The following USP24 variants were observed in gnomAD, a reference collection of about 807,000 sequenced individuals.
USP24 encodes the protein ubiquitin specific peptidase 24, also known as ubiquitin carboxyl-terminal hydrolase 24.
Under a neutral mutation model 361.6 loss-of-function variants are expected in USP24, and 97 were observed. The ratio of observed to expected loss-of-function variants is 0.27; its 90% CI spans 0.23 to 0.32. USP24 has a LOEUF of 0.32. USP24 is among the 10% of genes least tolerant of loss of function. The pLI, the probability that USP24 is intolerant of heterozygous loss-of-function variation, is 1.00. For missense variants in USP24, 2,353 were observed against 3,165.6 expected, an observed-to-expected ratio of 0.74 and a Z score of 6.16; for synonymous variants, 1,098 against 1,124.6, an observed-to-expected ratio of 0.98 and a Z score of 0.47.
intron 26 of USP24, among the ~76,000 whole-genome samples, chr1:55,138,398 T>G (rs1237044475): frequency 6.6e-6 from 1 of 152,150 alleles, no homozygotes; most frequent in Non-Finnish European, 1.5e-5. Flanking sequence ...CTCTTATTTG[T>G]TCTTTACAAT....
chr1:55,162,573 G>C (rs1037280649), intron 7 of USP24, among the ~76,000 whole-genome samples: 1 of 152,088 alleles, frequency 6.6e-6, no homozygotes, highest in African/African-American at 2.4e-5. Flanking sequence ...AAAAAGGAGA[G>C]AATAGCTGAG....
chr1:55,148,941 C>A (rs1371886749), intron 16 of USP24, among the ~76,000 whole-genome samples: 8 of 152,176 alleles, frequency 5.3e-5, no homozygotes, highest in Admixed American at 5.2e-4. Context: ...ACTTGGATAA[C>A]ACTGAACTGC....
rs745544716 is a variant in USP24, at chr1:55,214,869, CCGCCGCCGCCGCCGT to C, written c.230_244del (p.Asp77_Gly81del). The C allele has an allele frequency of 8.3e-7, 1 of 1,199,388 alleles. No homozygotes were observed. The highest frequency in any genetic ancestry group is 1.6e-5 in the African/African-American group (1 of 62,248). 74.3% of individuals were successfully genotyped at this position (1,199,388 alleles called of 1,614,324 possible). A position where few individuals can be genotyped will look rare whatever the true frequency, so the allele number is the denominator to read the frequency against. The stretch of plus-strand genomic sequence containing the variant: ...TCCGGTGCTCCCGCCGCGGGAGGGG[CCGCCGCCGCCGCCGT>C]CACCTCCGCCGTCGCCCCGCGGGCC... On this transcript the variant is annotated inframe_deletion, in exon 1 of 68. Transcript: ENST00000294383.
intron 1 of USP24, among the ~76,000 whole-genome samples, chr1:55,184,584 C>T (rs1213084483): frequency 6.6e-6 from 1 of 152,120 alleles, no homozygotes; most frequent in Admixed American, 6.6e-5. Context: ...ACCAAATAGA[C>T]CTAAAACACA....
At chr1:55,119,578 C>T (rs1343020893) in intron 38 of USP24, among the ~76,000 whole-genome samples, 1 of 151,746 alleles carries the variant, frequency 6.6e-6, no homozygotes. Context: ...ATATTTACCA[C>T]AATAAAAAAA....
In USP24 at chr1:55,096,686, T is replaced by C. The variant is rs148990348; in HGVS notation, c.5937-64A>G. ...AAAATCAACCTCCTCATCCTTAGCA[T>C]TGATCTCAATGTATTGTCTACAAAT... On this transcript the variant is annotated intron_variant, in intron 49 of 67. Transcript: ENST00000294383. The C allele has an allele frequency of 3.1e-4, 480 of 1,551,900 alleles. 1 individual carries two copies. The East Asian group carries it at 7.0e-3, about 23-fold the overall frequency.
intron 5 of USP24, among the ~76,000 whole-genome samples, chr1:55,169,224 A>G (rs898171006): frequency 6.6e-6 from 1 of 152,132 alleles, no homozygotes; most frequent in African/African-American, 2.4e-5. Context: ...TAAATTTAAA[A>G]AAAATCCGTG....
chr1:55,095,470 C>T lies in USP24; in HGVS notation c.6062-74G>A, dbSNP rs1340070614. 2.8e-6 allele frequency: 4 copies of T among 1,453,258 alleles called. No homozygotes were observed. In the African/African-American group the frequency reaches 5.7e-5, roughly 21 times the overall value. 90.0% of individuals were successfully genotyped at this position (1,453,258 alleles called of 1,614,324 possible). On this transcript the variant is annotated intron_variant, in intron 50 of 67. Coordinates refer to ENST00000294383, the MANE Select transcript of USP24 (RefSeq NM_015306.3). ...TGTCTTGACAATCTAAAACAAAGGG[C>T]CCATTATTCCAGCAAGTAGTTAACT...
At chr1:55,105,928 G>A (rs985373586) in intron 41 of USP24, among the ~76,000 whole-genome samples, 1 of 151,946 alleles carries the variant, frequency 6.6e-6, no homozygotes, top group East Asian at 1.9e-4. Flanking sequence ...TCTCCATTCT[G>A]AGGATAATAA....
intron 44 of USP24, 122 bp from the exon 45 acceptor site, chr1:55,099,991 A>G: frequency 1.5e-6 from 1 of 670,344 alleles, no homozygotes; most frequent in East Asian, 2.8e-5. Context: ...GGATGTGGAC[A>G]TTTCTAGTGA....
Position 55,146,123 on chromosome 1 carries a change from C to G in USP24, c.2251-14G>C. On this transcript the variant is annotated splice_polypyrimidine_tract_variant and intron_variant, in intron 19 of 67. Transcript: ENST00000294383. ...TTCAAAACACATCTGTGGAATAAGA[C>G]GAATATCACCCTATAACTAAGATCC... The G allele has an allele frequency of 6.3e-7, 1 of 1,577,302 alleles. No homozygotes were observed. Among genetic ancestry groups the G allele is most frequent in the East Asian group, 2.2e-5 (1 of 44,532 alleles).
intron 5 of USP24, among the ~76,000 whole-genome samples, chr1:55,167,031 CCT>C (rs1222595999): frequency 1.3e-5 from 2 of 152,136 alleles, no homozygotes; most frequent in African/African-American, 4.8e-5. Context: ...TCTATTTTCT[CCT>C]CTTTTTCTTT....
intron 51 of USP24, 79 bp downstream of exon 51, chr1:55,095,176 A>C: frequency 7.1e-7 from 1 of 1,404,084 alleles, no homozygotes; most frequent in Non-Finnish European, 9.4e-7. Flanking sequence ...TTATCTTTAA[A>C]ATCTCAAATA....
At chr1:55,128,118 T>C (rs1259489474) in intron 32 of USP24, among the ~76,000 whole-genome samples, 1 of 152,218 alleles carries the variant, frequency 6.6e-6, no homozygotes, top group Non-Finnish European at 1.5e-5. Flanking sequence ...TCTGTGTTTA[T>C]TTCTCATACT....
chr1:55,066,368 G>C lies in USP24; in HGVS notation c.*2677C>G, dbSNP rs1005785874. The stretch of plus-strand genomic sequence containing the variant: ...GCGGCAAGACTCCAACTCTGTTTTT[G>C]AAAAATTTATTTTATACTCTTAGAA... On this transcript the variant is annotated 3_prime_UTR_variant, in exon 68 of 68. Transcript: ENST00000294383. 6.6e-6 allele frequency: 1 copy of C among 152,094 alleles called. No individual in the cohort carries two copies. Among genetic ancestry groups the C allele is most frequent in the Non-Finnish European group, 1.5e-5 (1 of 68,020 alleles). The allele number at this position is 152,094 out of a possible 1,614,324, so 9.4% of individuals were successfully genotyped here. A position where few individuals can be genotyped will look rare whatever the true frequency, so the allele number is the denominator to read the frequency against.
rs1335832301 is a variant in USP24 at position 55,129,473 on chromosome 1, T to C, written c.3635+4A>G. 3 of 1,613,202 alleles carry C rather than the reference T, an allele frequency of 1.9e-6. No homozygotes were observed. The highest frequency in any genetic ancestry group is 4.5e-5 in the East Asian group (2 of 44,880). On this transcript the variant is annotated splice_donor_region_variant and intron_variant, in intron 32 of 67. Coordinates refer to ENST00000294383, the MANE Select transcript of USP24 (RefSeq NM_015306.3). ...CTCATGTAACATTACATTGAAACTC[T>C]AACCTCAAACCGCCAGCTTTGAGGA...
At chr1:55,091,372 T>C (rs1026458789) in intron 54 of USP24, among the ~76,000 whole-genome samples, 5 of 152,154 alleles carry the variant, frequency 3.3e-5, no homozygotes, top group Admixed American at 1.3e-4. Flanking sequence ...GAGAATCTAA[T>C]TGTCCCCCCA....
intron 54 of USP24, among the ~76,000 whole-genome samples, chr1:55,091,790 C>T (rs796744629): frequency 1.6e-4 from 25 of 152,194 alleles, no homozygotes; most frequent in African/African-American, 4.6e-4. Context: ...TTGCCCAATT[C>T]GAAGATGTAC....
At chr1:55,113,812 T>C (rs1646025280) in intron 38 of USP24, among the ~76,000 whole-genome samples, 1 of 152,204 alleles carries the variant, frequency 6.6e-6, no homozygotes, top group Admixed American at 6.5e-5. Context: ...TCATACTGAA[T>C]GGGCAAAAGC....
Sources: gnomAD v4.1 joint callset for allele counts (sites outside exome capture counted in the v4.1 genomes callset) on GRCh38, gnomAD v4.1.1 for gene constraint, MANE v1.5 for transcripts, NCBI Gene and HGNC (gene_info 2026-07-23, HGNC 2026-07-21) for gene names.